The following RALYL variants were observed in gnomAD, a reference collection of about 807,000 sequenced individuals.
RALYL encodes the protein RNA-binding Raly-like protein.
Under a neutral mutation model 35.1 loss-of-function variants are expected in RALYL, and 29 were observed. The ratio of observed to expected loss-of-function variants is 0.83; its 90% CI spans 0.61 to 1.13. RALYL has a LOEUF of 1.13. Among genes scored for constraint, RALYL ranks in the 50% most tolerant of loss-of-function variants. RALYL has a pLI of 0.00. For missense variants in RALYL, 359 were observed against 360.4 expected, an observed-to-expected ratio of 1.00 and a Z score of 0.03; for synonymous variants, 120 against 127.6, an observed-to-expected ratio of 0.94 and a Z score of 0.40.
chr8:84,625,760 A>G (rs1429394895), intron 2 of RALYL, among the ~76,000 whole-genome samples: 1 of 152,218 alleles, frequency 6.6e-6, no homozygotes, highest in Non-Finnish European at 1.5e-5. Flanking sequence ...CAGGATGACC[A>G]GAATATAAAG....
chr8:84,183,198 C>A, upstream of RALYL: 1 of 155,028 alleles, frequency 6.5e-6, no homozygotes, highest in South Asian at 1.8e-4. Flanking sequence ...CCCCTCTCGC[C>A]GGCGCCCTGC....
intron 2 of RALYL, among the ~76,000 whole-genome samples, chr8:84,607,200 C>G (rs147557819): frequency 4.5e-4 from 69 of 151,908 alleles, no homozygotes; most frequent in African/African-American, 1.5e-3. Context: ...GCTTCTTTCT[C>G]CCAAAAAGCA....
intron 2 of RALYL, among the ~76,000 whole-genome samples, chr8:84,628,356 A>G (rs568193693): frequency 5.4e-4 from 82 of 152,058 alleles, no homozygotes; most frequent in African/African-American, 1.8e-3. Flanking sequence ...CTCACTCCCT[A>G]TCCCATTATG....
At chr8:84,354,316 C>T (rs1851445490) in intron 1 of RALYL, among the ~76,000 whole-genome samples, 1 of 150,294 alleles carries the variant, frequency 6.7e-6, no homozygotes, top group African/African-American at 2.5e-5. Context: ...AGGCCCATCT[C>T]AGCATAATTC....
chr8:84,243,042 T>G (rs1828301637), intron 1 of RALYL, among the ~76,000 whole-genome samples: 1 of 152,188 alleles, frequency 6.6e-6, no homozygotes, highest in Non-Finnish European at 1.5e-5. Flanking sequence ...GGGTCCGGTT[T>G]CAATTTTATG....
chr8:84,249,108 C>G (rs146507347), intron 1 of RALYL, among the ~76,000 whole-genome samples: 1 of 151,320 alleles, frequency 6.6e-6, no homozygotes, highest in South Asian at 2.1e-4. Context: ...ATTGAGGCAG[C>G]GTAAAACAAT....
chr8:84,385,952 C>G (rs148961260), intron 1 of RALYL, among the ~76,000 whole-genome samples: 2 of 151,934 alleles, frequency 1.3e-5, no homozygotes, highest in Non-Finnish European at 2.9e-5. Context: ...ATTCTACTGC[C>G]TGTCAAGGTG....
chr8:84,661,327 C>G (rs1830867327), intron 2 of RALYL, among the ~76,000 whole-genome samples: 1 of 152,132 alleles, frequency 6.6e-6, no homozygotes, highest in South Asian at 2.1e-4. Flanking sequence ...AAGTCACCCA[C>G]TCCTCTGATA....
chr8:84,857,133 G>A (rs190588008), intron 5 of RALYL, among the ~76,000 whole-genome samples: 48 of 149,892 alleles, frequency 3.2e-4, no homozygotes, highest in African/African-American at 9.8e-4. Context: ...TTTATATACT[G>A]TACATCTGTC....
chr8:84,797,413 A>G (rs1822197145), intron 3 of RALYL, among the ~76,000 whole-genome samples: 1 of 152,140 alleles, frequency 6.6e-6, no homozygotes, highest in African/African-American at 2.4e-5. Context: ...TTTCTTATAT[A>G]CTGTTGTCAA....
chr8:84,768,657 G>T (rs532516202), intron 2 of RALYL, among the ~76,000 whole-genome samples: 1 of 152,200 alleles, frequency 6.6e-6, no homozygotes, highest in African/African-American at 2.4e-5. Context: ...CCAGCAAAGC[G>T]AGAGAAGTAT....
intron 1 of RALYL, among the ~76,000 whole-genome samples, chr8:84,229,552 C>T (rs571528267): frequency 1.6e-4 from 24 of 152,172 alleles, no homozygotes; most frequent in African/African-American, 5.5e-4. Context: ...TCAAAACAGT[C>T]GACATTAACT....
At chr8:84,861,670 T>C (rs150569106) in intron 5 of RALYL, among the ~76,000 whole-genome samples, 333 of 152,328 alleles carry the variant, frequency 2.2e-3, no homozygotes, top group Non-Finnish European at 3.2e-3. Context: ...ATCCTCACGC[T>C]AGCTTCATGT....
intron 2 of RALYL, among the ~76,000 whole-genome samples, chr8:84,640,386 G>A (rs1032502136): frequency 1.3e-5 from 2 of 151,904 alleles, no homozygotes; most frequent in Non-Finnish European, 2.9e-5. Context: ...GCTTCTTATG[G>A]GAAGCCCATT....
chr8:84,261,925 A>G (rs528327200), intron 1 of RALYL, among the ~76,000 whole-genome samples: 121 of 152,260 alleles, frequency 7.9e-4, no homozygotes, highest in African/African-American at 2.8e-3. Flanking sequence ...AAAATTCACT[A>G]TTGCTCAATT....
At chr8:84,852,330 C>A (rs1438075694) in intron 5 of RALYL, among the ~76,000 whole-genome samples, 1 of 152,010 alleles carries the variant, frequency 6.6e-6, no homozygotes, top group Non-Finnish European at 1.5e-5. Flanking sequence ...TTTATAATTT[C>A]TATAAAATAT....
chr8:84,701,177 TCCTA>T (rs1274214565), intron 2 of RALYL, among the ~76,000 whole-genome samples: 3 of 152,254 alleles, frequency 2.0e-5, no homozygotes, highest in African/African-American at 7.2e-5. Flanking sequence ...CATTTTCTGT[TCCTA>T]CCTGAGAAAG....
At chr8:84,551,309 T>C (rs1380730044) in intron 2 of RALYL, among the ~76,000 whole-genome samples, 1 of 152,136 alleles carries the variant, frequency 6.6e-6, no homozygotes, top group African/African-American at 2.4e-5. Context: ...TTTTAAAAAA[T>C]GATTTATTGA....
At chr8:84,449,587 C>T (rs1276035554) in intron 1 of RALYL, among the ~76,000 whole-genome samples, 2 of 151,934 alleles carry the variant, frequency 1.3e-5, no homozygotes, top group African/African-American at 4.8e-5. Context: ...CTTTGCTCCC[C>T]CTGAGACTTT....
Sources: allele counts gnomAD v4.1 joint callset (sites outside exome capture counted in the v4.1 genomes callset), GRCh38; gene constraint gnomAD v4.1.1; transcripts MANE v1.5; gene names NCBI Gene and HGNC (gene_info 2026-07-23, HGNC 2026-07-21).